SH3BP5: variants seen among roughly 807,000 people sequenced by gnomAD.
SH3BP5 encodes the protein SH3 domain-binding protein 5.
Under a neutral mutation model 43.3 loss-of-function variants are expected in SH3BP5, and 22 were observed. The ratio of observed to expected loss-of-function variants is 0.51; its 90% CI spans 0.36 to 0.73. The LOEUF (loss-of-function observed/expected upper bound fraction) is 0.73, where lower values mean the gene tolerates loss of function less well. SH3BP5 is among the 30% of genes least tolerant of loss of function. SH3BP5 has a pLI of 0.00. For missense variants in SH3BP5, 529 were observed against 586.9 expected, an observed-to-expected ratio of 0.90 and a Z score of 1.02; for synonymous variants, 255 against 225.8, an observed-to-expected ratio of 1.13 and a Z score of -1.16.
intron 3 of SH3BP5, among the ~76,000 whole-genome samples, chr3:15,297,068 C>G (rs1697597715): frequency 1.3e-5 from 2 of 152,070 alleles, no homozygotes; most frequent in African/African-American, 4.8e-5. Context: ...TACTCTGTTC[C>G]TCTAGGATTA....
intron 3 of SH3BP5, among the ~76,000 whole-genome samples, chr3:15,302,747 A>G (rs7610033): frequency 0.4 from 61,207 of 151,844 alleles, 12,788 homozygotes; most frequent in East Asian, 0.57. Flanking sequence ...TGCACAACAC[A>G]CTGTGCACAT....
intron 3 of SH3BP5, among the ~76,000 whole-genome samples, chr3:15,299,471 C>T (rs186922309): frequency 6.8e-6 from 1 of 147,252 alleles, no homozygotes; most frequent in East Asian, 2.0e-4. Flanking sequence ...TTTCCACCAG[C>T]TCAACAATTA....
chr3:15,337,084 G>GTTTTT (rs374056927), upstream of SH3BP5, among the ~76,000 whole-genome samples: 16 of 100,090 alleles, frequency 1.6e-4, no homozygotes, highest in African/African-American at 2.8e-4. Context: ...TTTTAGTTTA[G>GTTTTT]TTTTTTTTTT....
chr3:15,340,262 T>G (rs567125217), intron 1 of SH3BP5, among the ~76,000 whole-genome samples: 53 of 152,366 alleles, frequency 3.5e-4, no homozygotes, highest in African/African-American at 1.2e-3. Flanking sequence ...AGGACTTTAC[T>G]CTGGAAGATA....
intron 2 of SH3BP5, among the ~76,000 whole-genome samples, chr3:15,322,388 G>A (rs1559458550): frequency 1.3e-5 from 2 of 151,848 alleles, no homozygotes; most frequent in South Asian, 4.2e-4. Flanking sequence ...AAAGTGAAAG[G>A]CCACTCTTAA....
chr3:15,295,560 G>T (rs995029849), intron 3 of SH3BP5, among the ~76,000 whole-genome samples: 2 of 152,180 alleles, frequency 1.3e-5, no homozygotes, highest in African/African-American at 4.8e-5. Context: ...GCTGTGATGC[G>T]CCTTATGGAG....
upstream of SH3BP5, among the ~76,000 whole-genome samples, chr3:15,333,739 C>A (rs955936980): frequency 6.6e-6 from 1 of 152,212 alleles, no homozygotes; most frequent in Non-Finnish European, 1.5e-5. Flanking sequence ...GCACTGTAGT[C>A]CACTGTCAAA....
intron 5 of SH3BP5, among the ~76,000 whole-genome samples, chr3:15,261,180 A>G (rs1295323323): frequency 1.3e-5 from 2 of 152,246 alleles, no homozygotes; most frequent in Admixed American, 1.3e-4. Context: ...AGCCCCTGAC[A>G]CACCAAAAAC....
At chr3:15,284,590 T>G (rs1296152135) in intron 3 of SH3BP5, among the ~76,000 whole-genome samples, 1 of 152,248 alleles carries the variant, frequency 6.6e-6, no homozygotes, top group Non-Finnish European at 1.5e-5. Flanking sequence ...GCCCCTTCCC[T>G]GCCAGCTGGG....
chr3:15,289,346 A>G (rs905505196), intron 3 of SH3BP5, among the ~76,000 whole-genome samples: 1 of 152,220 alleles, frequency 6.6e-6, no homozygotes, highest in Admixed American at 6.5e-5. Flanking sequence ...TTTAAAATAG[A>G]AGGGACATAT....
At chr3:15,325,183 T>C (rs1172820162) in intron 2 of SH3BP5, among the ~76,000 whole-genome samples, 2 of 152,176 alleles carry the variant, frequency 1.3e-5, no homozygotes, top group Non-Finnish European at 2.9e-5. Context: ...GACTTAGAAA[T>C]TCTCAGTGTG....
chr3:15,293,146 A>C (rs1697460793), intron 3 of SH3BP5, among the ~76,000 whole-genome samples: 1 of 152,250 alleles, frequency 6.6e-6, no homozygotes, highest in African/African-American at 2.4e-5. Flanking sequence ...TTAAGAGTCC[A>C]TGCTCAGTTC....
chr3:15,304,158 C>A lies in SH3BP5; in HGVS notation c.275G>T (p.Gly92Val). 1 of 1,614,178 alleles carries A rather than the reference C, an allele frequency of 6.2e-7. No individual in the cohort carries two copies. Among genetic ancestry groups the A allele is most frequent in the South Asian group, 1.1e-5 (1 of 91,088 alleles). The change falls in exon 3 of 9, where the codon GGC becomes GTC. Residue 92 changes from glycine (G) to valine (V), a missense_variant. By Grantham distance (109) the Gly-to-Val change is moderately radical. Coordinates refer to ENST00000383791, the MANE Select transcript of SH3BP5 (RefSeq NM_004844.5). ...VKLDELVKKI[G>V]KAVEDSKPYW... is the part of the protein sequence containing the mutation. ...GGGCTTGGAGTCTTCCACAGCTTTGCCAATTTTCTTCACCAGTTCATCCAG... is the reference window on the plus strand; with the variant it reads ...GGGCTTGGAGTCTTCCACAGCTTTGACAATTTTCTTCACCAGTTCATCCAG...
chr3:15,339,009 C>CCTAAGGTCG (rs1490209168), intron 1 of SH3BP5, among the ~76,000 whole-genome samples: 1 of 152,108 alleles, frequency 6.6e-6, no homozygotes, highest in Non-Finnish European at 1.5e-5. Flanking sequence ...CCCAGCGACC[C>CCTAAGGTCG]CTAAGGATCA....
chr3:15,254,791 G>C lies in SH3BP5; in HGVS notation c.*1295C>G, dbSNP rs550051562. ...TCCATGCTCTTCCTTATGGAAAAAG[G>C]GTTGCCTAGAAGATTTAGGCAATAC... On this transcript the variant is annotated 3_prime_UTR_variant, in exon 9 of 9. Coordinates refer to ENST00000383791, the MANE Select transcript of SH3BP5 (RefSeq NM_004844.5). The C allele has an allele frequency of 1.1e-3, 174 of 152,278 alleles. 1 individual carries two copies. The highest frequency in any genetic ancestry group is 4.0e-3 in the African/African-American group (168 of 41,558). The allele number at this position is 152,278 out of a possible 1,614,324, so 9.4% of individuals were successfully genotyped here. A position where few individuals can be genotyped will look rare whatever the true frequency, so the allele number is the denominator to read the frequency against.
chr3:15,261,562 C>G (rs139622772), intron 5 of SH3BP5, among the ~76,000 whole-genome samples: 10 of 152,260 alleles, frequency 6.6e-5, no homozygotes, highest in Admixed American at 5.2e-4. Flanking sequence ...ATCATAAGTC[C>G]TCCTCCTTTT....
chr3:15,266,579 C>G (rs1283488565), intron 4 of SH3BP5, among the ~76,000 whole-genome samples: 27 of 152,234 alleles, frequency 1.8e-4, no homozygotes, highest in Admixed American at 1.7e-3. Flanking sequence ...ACAGCTGAGG[C>G]TGAAGGGGTC....
At chr3:15,300,963 G>C (rs1697721499) in intron 3 of SH3BP5, among the ~76,000 whole-genome samples, 2 of 152,160 alleles carry the variant, frequency 1.3e-5, no homozygotes, top group South Asian at 4.1e-4. Context: ...ACAGGACTCA[G>C]TAATTGCCCT....
intron 2 of SH3BP5, among the ~76,000 whole-genome samples, chr3:15,313,807 C>T (rs115815138): frequency 7.9e-4 from 120 of 152,256 alleles, no homozygotes; most frequent in African/African-American, 2.7e-3. Flanking sequence ...TTGTATTTTA[C>T]TTAACTTCAA....
Sources: gnomAD v4.1 joint callset for allele counts (sites outside exome capture counted in the v4.1 genomes callset) on GRCh38, gnomAD v4.1.1 for gene constraint, MANE v1.5 for transcripts, NCBI Gene and HGNC (gene_info 2026-07-23, HGNC 2026-07-21) for gene names.